HMCN1: variants seen among roughly 807,000 people sequenced by gnomAD.
HMCN1 encodes the protein hemicentin-1.
HMCN1 carries 321 observed loss-of-function variants against 625.9 expected under a neutral mutation model. The ratio of observed to expected loss-of-function variants is 0.51; its 90% CI spans 0.47 to 0.56. The LOEUF (loss-of-function observed/expected upper bound fraction) is 0.56. HMCN1 is among the 20% of genes least tolerant of loss of function. The pLI, the probability that HMCN1 is intolerant of heterozygous loss-of-function variation, is 0.00. For synonymous variants in HMCN1, 2,425 were observed against 2,417.6 expected, an observed-to-expected ratio of 1.00 and a Z score of -0.09; for missense variants, 6,588 against 6,887.3, an observed-to-expected ratio of 0.96 and a Z score of 1.54.
intron 1 of HMCN1, among the ~76,000 whole-genome samples, chr1:185,749,498 G>C (rs533114337): frequency 6.6e-6 from 1 of 152,090 alleles, no homozygotes. Context: ...TCATCAACCC[G>C]TCCCCACCCT....
chr1:186,126,294 A>T (rs1481844017), intron 82 of HMCN1, among the ~76,000 whole-genome samples: 2 of 152,168 alleles, frequency 1.3e-5, no homozygotes, highest in African/African-American at 2.4e-5. Flanking sequence ...CAAATATTCA[A>T]CAAATATTTA....
intron 1 of HMCN1, among the ~76,000 whole-genome samples, chr1:185,755,230 G>A (rs1336683379): frequency 6.6e-6 from 1 of 152,090 alleles, no homozygotes; most frequent in Non-Finnish European, 1.5e-5. Context: ...TCTCTATGTT[G>A]TAAAGCTATG....
At chr1:185,909,549 A>C in intron 5 of HMCN1, 41 bp downstream of exon 5, 2 of 1,528,144 alleles carry the variant, frequency 1.3e-6, no homozygotes, top group South Asian at 1.1e-5. Context: ...TACAAAATAC[A>C]TAGAGGGTAA....
rs752448870 is a variant in HMCN1 at position 185,970,491 on chromosome 1, G to A, written c.2369G>A (p.Gly790Asp). 1.1e-5 allele frequency: 18 copies of A among 1,612,840 alleles called. No individual in the cohort carries two copies. The Admixed American group carries it at 3.0e-4, about 27-fold the overall frequency. Residue 790 changes from glycine to aspartate, a missense_variant and splice_region_variant, in exon 15 of 107, where the codon GGC becomes GAC. Coordinates refer to ENST00000271588, the MANE Select transcript of HMCN1 (RefSeq NM_031935.3). Reference protein sequence around the residue: ...RATGKITLDVGSPPVFIQEPA... With the variant: ...RATGKITLDVDSPPVFIQEPA... ...ACTGGCAAGATAACTCTGGATGTTG[G>A]CTGTAAGCCTCCAGATCTTATAGGC... is the stretch of plus-strand genomic sequence containing the variant.
At chr1:185,990,770 G>A (rs181141592) in intron 22 of HMCN1, among the ~76,000 whole-genome samples, 2 of 152,262 alleles carry the variant, frequency 1.3e-5, no homozygotes, top group African/African-American at 2.4e-5. Flanking sequence ...TCCCATAAGA[G>A]CAATAAAATA....
chr1:185,886,465 C>T (rs1440233778), intron 4 of HMCN1, among the ~76,000 whole-genome samples: 1 of 151,990 alleles, frequency 6.6e-6, no homozygotes, highest in Non-Finnish European at 1.5e-5. Flanking sequence ...GTTGAGGATA[C>T]TTGTTTCTCA....
intron 11 of HMCN1, among the ~76,000 whole-genome samples, chr1:185,940,471 T>C (rs1159776969): frequency 6.6e-6 from 1 of 152,210 alleles, no homozygotes; most frequent in Non-Finnish European, 1.5e-5. Flanking sequence ...AGGATATGTT[T>C]TAATTCTGGT....
At chr1:185,800,860 T>C (rs951155504) in intron 1 of HMCN1, among the ~76,000 whole-genome samples, 2 of 152,204 alleles carry the variant, frequency 1.3e-5, no homozygotes, top group Admixed American at 6.5e-5. Context: ...AAAATAAAAG[T>C]ATTTAAAAAT....
intron 36 of HMCN1, among the ~76,000 whole-genome samples, chr1:186,037,199 T>G (rs1381865120): frequency 1.3e-5 from 2 of 152,004 alleles, no homozygotes; most frequent in African/African-American, 4.8e-5. Context: ...TACAACATCT[T>G]CTTCAAACAA....
intron 95 of HMCN1, 54 bp downstream of exon 95, chr1:186,151,797 A>G (rs572210365): frequency 2.6e-6 from 4 of 1,552,168 alleles, no homozygotes; most frequent in Admixed American, 1.7e-5. Context: ...CCATGAAGAT[A>G]GGTGATTAAG....
At chr1:185,912,918 G>T (rs1666509648) in intron 6 of HMCN1, among the ~76,000 whole-genome samples, 2 of 151,970 alleles carry the variant, frequency 1.3e-5, no homozygotes, top group Admixed American at 6.6e-5. Context: ...ATAAAAAATG[G>T]AATTAATGGG....
intron 97 of HMCN1, among the ~76,000 whole-genome samples, chr1:186,161,414 A>G (rs1265702353): frequency 6.6e-6 from 1 of 152,000 alleles, no homozygotes; most frequent in Non-Finnish European, 1.5e-5. Context: ...CATTTAGTCC[A>G]TTTACATTTA....
chr1:186,075,272 C>T (rs1229698339), intron 53 of HMCN1, among the ~76,000 whole-genome samples: 1 of 151,994 alleles, frequency 6.6e-6, no homozygotes, highest in Non-Finnish European at 1.5e-5. Flanking sequence ...CACTACTGGG[C>T]ATATTATCTG....
intron 21 of HMCN1, among the ~76,000 whole-genome samples, 162 bp from the exon 22 acceptor site, chr1:185,990,113 G>GT: frequency 6.6e-6 from 1 of 152,240 alleles, no homozygotes; most frequent in Non-Finnish European, 1.5e-5. Flanking sequence ...TTCTCTTTTA[G>GT]TTCTCACAAT....
chr1:185,764,425 A>G (rs773322402), intron 1 of HMCN1, among the ~76,000 whole-genome samples: 4 of 152,142 alleles, frequency 2.6e-5, no homozygotes, highest in Non-Finnish European at 4.4e-5. Flanking sequence ...TTCTTATCTG[A>G]TGCTATTTTT....
chr1:186,069,577 C>A, intron 50 of HMCN1, 86 bp from the exon 51 acceptor site: 1 of 810,088 alleles, frequency 1.2e-6, no homozygotes, highest in Non-Finnish European at 2.1e-6. Context: ...AATATGTTAA[C>A]AAGAAGACGT....
rs772099765 is a variant in HMCN1 at position 186,122,954 on chromosome 1, C to T, written c.12233C>T (p.Pro4078Leu). 2 of 1,613,606 alleles carry T rather than the reference C, an allele frequency of 1.2e-6. No individual in the cohort carries two copies. Among genetic ancestry groups the T allele is most frequent in the Admixed American group, 1.7e-5 (1 of 60,012 alleles). The change falls in exon 81 of 107, where the codon CCT (proline) becomes CTT (leucine). Residue 4078 changes from proline to leucine, a missense_variant. Around this residue, in one of 3 missense-constraint regions of HMCN1, gnomAD observed 1,954 missense variants for 2,013.1 expected, o/e 0.97. Transcript: ENST00000271588. Reference sequence around the variant, plus strand: ...TTATATTTTTTGTATATTTTAGTTCCTCCAGTCATTAGCCCTCATCTAAAG... The same window carrying T: ...TTATATTTTTTGTATATTTTAGTTCTTCCAGTCATTAGCCCTCATCTAAAG... Reference protein sequence around the residue: ...LGKIKLNVQVPPVISPHLKEY... With the variant: ...LGKIKLNVQVLPVISPHLKEY...
intron 63 of HMCN1, among the ~76,000 whole-genome samples, 187 bp from the exon 64 acceptor site, chr1:186,090,571 C>A (rs1019759601): frequency 4.6e-5 from 7 of 151,890 alleles, no homozygotes; most frequent in Admixed American, 2.6e-4. Context: ...ACAAATACAC[C>A]AGAAATATTG....
intron 11 of HMCN1, among the ~76,000 whole-genome samples, chr1:185,954,733 G>A (rs1331532752): frequency 2.0e-5 from 3 of 152,022 alleles, no homozygotes; most frequent in African/African-American, 7.3e-5. Flanking sequence ...TGGCAGTCAG[G>A]GCACTTAGGA....
Sources: gnomAD v4.1 joint callset for allele counts (sites outside exome capture counted in the v4.1 genomes callset) on GRCh38, gnomAD v4.1.1 for gene constraint, gnomAD v4.1.1 regional missense constraint, MANE v1.5 for transcripts, NCBI Gene and HGNC (gene_info 2026-07-23, HGNC 2026-07-21) for gene names.